Variants in SPOCK3 observed in about 807,000 individuals in gnomAD.
SPOCK3 encodes the protein testican-3.
In SPOCK3, 30 loss-of-function variants were observed where a neutral mutation model predicts 56.6. The observed-to-expected ratio is 0.53, with a 90% CI of 0.40 to 0.72. The LOEUF (loss-of-function observed/expected upper bound fraction) is 0.72. Among genes scored for constraint, SPOCK3 ranks in the 30% least tolerant of loss-of-function variants. The pLI is 0.00. For missense variants in SPOCK3, 527 were observed against 530.0 expected (o/e 0.99, Z 0.06); for synonymous variants, 196 against 183.3 (o/e 1.07, Z -0.56).
At chr4:167,079,081 A>T (rs146410678) in intron 2 of SPOCK3, among the ~76,000 whole-genome samples, 7 of 152,068 alleles carry the variant, frequency 4.6e-5, no homozygotes, top group Admixed American at 4.6e-4. Flanking sequence ...AATGAAAAAA[A>T]AAAAGTCTCT....
At chr4:166,741,872 T>C (rs906323955) in intron 9 of SPOCK3, 125 bp downstream of exon 9, 3 of 700,136 alleles carry the variant, frequency 4.3e-6, no homozygotes, top group African/African-American at 3.6e-5. Context: ...AAAAAGTTCA[T>C]AAATTTTGTT....
chr4:166,746,681 C>T (rs1229074386), intron 8 of SPOCK3, among the ~76,000 whole-genome samples: 1 of 152,014 alleles, frequency 6.6e-6, no homozygotes, highest in Non-Finnish European at 1.5e-5. Flanking sequence ...TTCAAAAAAT[C>T]AATGAATCCA....
chr4:167,186,633 C>CA lies in SPOCK3; in HGVS notation c.189+47351dup, dbSNP rs544535784. On this transcript the variant is annotated intron_variant, in intron 2 of 10. Transcript: ENST00000357545. Reference sequence around the variant, plus strand: ...CAAGAGCAAAACTCTGTCTCAAAAACAAAAAACAAACAACAACAACAAAAA... The same window carrying CA: ...CAAGAGCAAAACTCTGTCTCAAAAACAAAAAAACAAACAACAACAACAAAAA... Among the ~76,000 whole-genome samples the CA allele has an allele frequency of 6.9e-4, 103 of 150,304 alleles. 1 individual carries two copies. In the East Asian group the frequency reaches 0.02, roughly 29 times the overall value.
intron 6 of SPOCK3, among the ~76,000 whole-genome samples, chr4:166,794,210 CAA>C (rs10710162): frequency 0.019 from 1,384 of 73,698 alleles, 14 homozygotes; most frequent in African/African-American, 0.06. Context: ...GGTGATAAGG[CAA>C]AAAAAAAAAA....
intron 2 of SPOCK3, among the ~76,000 whole-genome samples, chr4:167,155,224 T>C (rs1450740985): frequency 1.3e-5 from 2 of 152,062 alleles, no homozygotes; most frequent in East Asian, 3.9e-4. Flanking sequence ...AAAGCAATTC[T>C]CTTGTCTTAG....
rs1291958576 is a variant in SPOCK3, at chr4:167,221,969, T to A, written c.189+12016A>T. On this transcript the variant is annotated intron_variant, in intron 2 of 10. Coordinates refer to ENST00000357545, the MANE Select transcript of SPOCK3 (RefSeq NM_001040159.2). ...TTCCACTTCTGAGTATATATCCAAA[T>A]AACTGAAAGCAGGATCTTGAAGAAA... Among the ~76,000 whole-genome samples the A allele has an allele frequency of 2.0e-5, 3 of 152,114 alleles. No individual in the cohort carries two copies. The South Asian group carries it at 6.2e-4, about 31-fold the overall frequency.
At position 167,109,334 on chromosome 4, in the gene SPOCK3, A is replaced by G. The variant is rs1324086825; in HGVS notation, c.190-46797T>C. ...ATATATTAATATATTAATATATATT[A>G]ATATTATATAATAAAATAAATATAT... On this transcript the variant is annotated intron_variant, in intron 2 of 10. Transcript: ENST00000357545. Among the ~76,000 whole-genome samples the G allele has an allele frequency of 1.1e-3, 92 of 84,056 alleles. No homozygotes were observed. In the East Asian group the frequency reaches 0.027, roughly 25 times the overall value. The allele number at this position is 84,056 out of a possible 152,430, so 55.1% of individuals were successfully genotyped here. A position where few individuals can be genotyped will look rare whatever the true frequency, so the allele number is the denominator to read the frequency against.
At chr4:167,107,961 G>A (rs919789323) in intron 2 of SPOCK3, among the ~76,000 whole-genome samples, 43 of 151,668 alleles carry the variant, frequency 2.8e-4, no homozygotes, top group African/African-American at 1.0e-3. Context: ...TCTATAGATA[G>A]AAATCTAATA....
intron 2 of SPOCK3, among the ~76,000 whole-genome samples, chr4:167,180,034 T>C (rs909871698): frequency 6.6e-6 from 1 of 152,148 alleles, no homozygotes. Context: ...AGGGACTCCA[T>C]TTCAGTGAAA....
At chr4:166,788,388 T>TATCTA (rs1202738929) in intron 7 of SPOCK3, among the ~76,000 whole-genome samples, 1 of 152,168 alleles carries the variant, frequency 6.6e-6, no homozygotes, top group Non-Finnish European at 1.5e-5. Context: ...CCTCAATCAC[T>TATCTA]ATCTAATCTA....
chr4:166,827,402 A>C (rs1745586749), intron 6 of SPOCK3, among the ~76,000 whole-genome samples: 1 of 152,136 alleles, frequency 6.6e-6, no homozygotes, highest in African/African-American at 2.4e-5. Context: ...GCCTGGCATG[A>C]GATAAGCAGC....
chr4:166,920,365 A>T (rs1738352539), intron 4 of SPOCK3, among the ~76,000 whole-genome samples: 1 of 152,214 alleles, frequency 6.6e-6, no homozygotes, highest in Non-Finnish European at 1.5e-5. Context: ...GTGTGAAATA[A>T]GTAATAAAAT....
chr4:166,986,516 T>A (rs1747190702), intron 4 of SPOCK3, among the ~76,000 whole-genome samples: 1 of 152,126 alleles, frequency 6.6e-6, no homozygotes, highest in Non-Finnish European at 1.5e-5. Context: ...CTTCTCAGGA[T>A]TAGGCCCCTG....
chr4:166,813,584 A>G (rs1355698230), intron 6 of SPOCK3, among the ~76,000 whole-genome samples: 1 of 152,066 alleles, frequency 6.6e-6, no homozygotes. Flanking sequence ...ACATATTTTT[A>G]TAACATAACA....
intron 2 of SPOCK3, among the ~76,000 whole-genome samples, chr4:167,132,562 G>A (rs1275444542): frequency 6.6e-6 from 1 of 152,156 alleles, no homozygotes; most frequent in Non-Finnish European, 1.5e-5. Context: ...GAAATTTAGA[G>A]ACTATATTGC....
rs912126308 is a variant in SPOCK3 at position 166,907,079 on chromosome 4, C to G, written c.474+5541G>C. Among the ~76,000 whole-genome samples, 40 of 151,992 alleles carry G rather than the reference C, an allele frequency of 2.6e-4. 2 individuals are homozygous for G. Among genetic ancestry groups the G allele is most frequent in the Admixed American group, 2.6e-3 (39 of 15,200 alleles). On this transcript the variant is annotated intron_variant, in intron 5 of 10. Coordinates refer to ENST00000357545, the MANE Select transcript of SPOCK3 (RefSeq NM_001040159.2). ...CACACATTATACATATGCACACACA[C>G]AAGTGTATATATGAGGTTATGAAAG...
chr4:166,849,798 T>C (rs1396903362), intron 6 of SPOCK3, among the ~76,000 whole-genome samples: 1 of 152,140 alleles, frequency 6.6e-6, no homozygotes, highest in African/African-American at 2.4e-5. Flanking sequence ...ACTTTCTGTC[T>C]CAATGAATTT....
intron 2 of SPOCK3, among the ~76,000 whole-genome samples, chr4:167,157,524 G>A (rs961301407): frequency 6.6e-6 from 1 of 151,286 alleles, no homozygotes; most frequent in Non-Finnish European, 1.5e-5. Flanking sequence ...TGGGGTGGGA[G>A]TTTCTGACAT....
At chr4:167,184,455 C>T (rs1001464739) in intron 2 of SPOCK3, among the ~76,000 whole-genome samples, 1 of 152,142 alleles carries the variant, frequency 6.6e-6, no homozygotes, top group Non-Finnish European at 1.5e-5. Flanking sequence ...TAGGAGATAA[C>T]ATTTACTGAG....
Sources: gnomAD v4.1 joint callset for allele counts (sites outside exome capture counted in the v4.1 genomes callset) on GRCh38, gnomAD v4.1.1 for gene constraint, MANE v1.5 for transcripts, NCBI Gene and HGNC (gene_info 2026-07-23, HGNC 2026-07-21) for gene names.